USH2A: variants seen among roughly 807,000 people sequenced by gnomAD.
The protein encoded by USH2A is usherin.
A neutral mutation model predicts 538.9 loss-of-function variants in USH2A; 443 were observed. The ratio of observed to expected loss-of-function variants is 0.82; its 90% confidence interval spans 0.76 to 0.89. The LOEUF (loss-of-function observed/expected upper bound fraction) is 0.89, where lower values mean the gene tolerates loss of function less well. Ranked by LOEUF, USH2A falls within the 40% of genes least tolerant of loss-of-function variation. USH2A has a pLI of 0.00. For synonymous variants in USH2A, 2,413 were observed against 2,273.5 expected (o/e 1.06, Z -1.75); for missense variants, 6,633 against 6,324.8 (o/e 1.05, Z -1.65).
intron 62 of USH2A, among the ~76,000 whole-genome samples, chr1:215,679,682 C>T (rs185362674): frequency 5.1e-4 from 77 of 152,336 alleles, no homozygotes; most frequent in Admixed American, 3.1e-3. Context: ...TTAGCAGACA[C>T]CTGTGGCTTG....
intron 37 of USH2A, among the ~76,000 whole-genome samples, chr1:215,953,717 T>A (rs1666990848): frequency 6.6e-6 from 1 of 151,834 alleles, no homozygotes; most frequent in South Asian, 2.1e-4. Flanking sequence ...ACAAATGGGA[T>A]CTAATTAAAC....
chr1:216,286,656 G>A (rs1018851950), intron 11 of USH2A, among the ~76,000 whole-genome samples: 1 of 152,102 alleles, frequency 6.6e-6, no homozygotes, highest in African/African-American at 2.4e-5. Flanking sequence ...CCCCAGAGGT[G>A]GAGGTGGCAG....
At chr1:216,417,406 C>T (rs899603776) in intron 3 of USH2A, among the ~76,000 whole-genome samples, 18 of 152,088 alleles carry the variant, frequency 1.2e-4, no homozygotes, top group Admixed American at 1.2e-3. Flanking sequence ...ACTGTGGTAC[C>T]CAGCACCCCA....
chr1:216,029,809 G>A (rs187716039), intron 32 of USH2A, among the ~76,000 whole-genome samples: 138 of 151,464 alleles, frequency 9.1e-4, no homozygotes, highest in Middle Eastern at 3.5e-3. Context: ...GTCATGATGC[G>A]TTGTTAATGG....
At chr1:215,797,201 G>A (rs1306917124) in intron 50 of USH2A, among the ~76,000 whole-genome samples, 1 of 152,170 alleles carries the variant, frequency 6.6e-6, no homozygotes, top group Non-Finnish European at 1.5e-5. Flanking sequence ...GAGAGATGAG[G>A]AAGCTGCAGA....
At chr1:216,261,713 A>G (rs2036376654) in intron 11 of USH2A, among the ~76,000 whole-genome samples, 1 of 152,122 alleles carries the variant, frequency 6.6e-6, no homozygotes, top group Non-Finnish European at 1.5e-5. Context: ...AAACGACCCA[A>G]CAGCCTCACT....
intron 21 of USH2A, among the ~76,000 whole-genome samples, chr1:216,117,743 G>T (rs1337734932): frequency 1.3e-5 from 2 of 150,900 alleles, no homozygotes; most frequent in Non-Finnish European, 3.0e-5. Context: ...TAGCTTCTTG[G>T]CCCTCACTCT....
At chr1:215,988,369 C>T (rs867210236) in intron 35 of USH2A, among the ~76,000 whole-genome samples, 4 of 152,294 alleles carry the variant, frequency 2.6e-5, no homozygotes, top group Middle Eastern at 3.4e-3. Flanking sequence ...GGACTTCCTT[C>T]TTTTTAAGGC....
chr1:216,409,380 C>A (rs10863239), intron 3 of USH2A, among the ~76,000 whole-genome samples: 119,480 of 151,980 alleles, frequency 0.79, 47,522 homozygotes, highest in African/African-American at 0.92. Flanking sequence ...TAGAAAAAAA[C>A]TTTTTAAATT....
chr1:215,910,466 G>A (rs77253084), intron 38 of USH2A, among the ~76,000 whole-genome samples: 4,244 of 151,756 alleles, frequency 0.028, 220 homozygotes, highest in African/African-American at 0.099. Context: ...AGATTAAGAT[G>A]GTATATATTT....
In USH2A at chr1:215,671,169, G is replaced by T. The variant is rs751304353; in HGVS notation, c.13936C>A (p.Pro4646Thr). ...PPPHLEVQMA[P>T]GGFQPTVSLL... ...GAAACAGTTGGCTGGAATCCTCCTGGAGCCATTTGTACCTCCAGATGTGGA... is the reference window on the plus strand; with the variant it reads ...GAAACAGTTGGCTGGAATCCTCCTGTAGCCATTTGTACCTCCAGATGTGGA... The change falls in exon 64 of 72, where the codon CCA becomes ACA. Residue 4646 changes from proline to threonine, a missense_variant. By Grantham distance (38) the Pro-to-Thr change is conservative. Coordinates refer to ENST00000307340, the MANE Select transcript of USH2A (RefSeq NM_206933.4). 1.4e-4 allele frequency: 222 copies of T among 1,613,968 alleles called. No individual in the cohort carries two copies. Among genetic ancestry groups the T allele is most frequent in the Non-Finnish European group, 1.8e-4 (208 of 1,180,018 alleles).
intron 4 of USH2A, among the ~76,000 whole-genome samples, chr1:216,334,642 C>T (rs2037934839): frequency 6.6e-6 from 1 of 151,822 alleles, no homozygotes; most frequent in South Asian, 2.1e-4. Flanking sequence ...AAGAAAGATA[C>T]ACCACGTAAA....
chr1:215,951,833 T>G (rs1666924382), intron 37 of USH2A, among the ~76,000 whole-genome samples: 1 of 152,102 alleles, frequency 6.6e-6, no homozygotes, highest in African/African-American at 2.4e-5. Flanking sequence ...TCTTTTGATC[T>G]TTGTTGGTTT....
intron 40 of USH2A, among the ~76,000 whole-genome samples, chr1:215,891,415 T>C (rs545624520): frequency 6.6e-6 from 1 of 152,288 alleles, no homozygotes; most frequent in Admixed American, 6.5e-5. Flanking sequence ...TGGCACTCTT[T>C]CAATTTAGTG....
chr1:215,751,138 A>G (rs960795962), intron 58 of USH2A, among the ~76,000 whole-genome samples: 6 of 152,178 alleles, frequency 3.9e-5, no homozygotes, highest in African/African-American at 1.4e-4. Context: ...AATGCATAGT[A>G]TCTGAAATAA....
intron 30 of USH2A, among the ~76,000 whole-genome samples, chr1:216,068,864 G>T (rs187789190): frequency 1.2e-4 from 18 of 152,210 alleles, no homozygotes; most frequent in Non-Finnish European, 1.8e-4. Context: ...GCAGAAAAAT[G>T]CAATTAATAT....
intron 36 of USH2A, among the ~76,000 whole-genome samples, chr1:215,965,923 TCACACACACACACACACA>T (rs34484768): frequency 4.2e-5 from 6 of 142,574 alleles, no homozygotes; most frequent in Admixed American, 2.1e-4. Context: ...CTCTTCTCTG[TCACACACACACACACACA>T]CACACACACA....
chr1:216,392,134 C>T (rs929425891), intron 3 of USH2A, among the ~76,000 whole-genome samples: 1 of 152,098 alleles, frequency 6.6e-6, no homozygotes, highest in Non-Finnish European at 1.5e-5. Flanking sequence ...AGTCCAAAGA[C>T]AAATTGCACT....
chr1:216,278,147 G>GGCTAT (rs1446914931), intron 11 of USH2A, among the ~76,000 whole-genome samples: 7 of 151,968 alleles, frequency 4.6e-5, no homozygotes, highest in Non-Finnish European at 7.4e-5. Context: ...GGCTATTTAG[G>GGCTAT]GCTATTGAAT....
Sources: gnomAD v4.1 joint callset for allele counts (sites outside exome capture counted in the v4.1 genomes callset) on GRCh38, gnomAD v4.1.1 for gene constraint, MANE v1.5 for transcripts, NCBI Gene and HGNC (gene_info 2026-07-23, HGNC 2026-07-21) for gene names.